MAN1A2: variants seen among roughly 807,000 people sequenced by gnomAD.
MAN1A2 encodes the protein mannosyl-oligosaccharide 1,2-alpha-mannosidase IB.
A neutral mutation model predicts 75.7 loss-of-function variants in MAN1A2; 26 were observed. The observed-to-expected ratio is 0.34, with a 90% CI of 0.25 to 0.48. MAN1A2 has a LOEUF of 0.48. Ranked by LOEUF, MAN1A2 falls within the 20% of genes least tolerant of loss-of-function variation. MAN1A2 has a pLI of 0.99. For synonymous variants in MAN1A2, 247 were observed against 264.6 expected (o/e 0.93, Z 0.65); for missense variants, 562 against 775.5 (o/e 0.72, Z 3.27).
chr1:117,465,015 G>C (rs1010889485), intron 7 of MAN1A2, among the ~76,000 whole-genome samples: 5 of 152,136 alleles, frequency 3.3e-5, no homozygotes, highest in African/African-American at 1.2e-4. Flanking sequence ...ATCACCATGA[G>C]AGAAAACATA....
At chr1:117,462,302 TAATAA>T (rs764158590) in intron 7 of MAN1A2, among the ~76,000 whole-genome samples, 13 of 152,160 alleles carry the variant, frequency 8.5e-5, no homozygotes, top group Non-Finnish European at 1.3e-4. Flanking sequence ...GCAATTTATA[TAATAA>T]AATACAAAAT....
intron 8 of MAN1A2, among the ~76,000 whole-genome samples, chr1:117,468,877 T>C (rs1490515110): frequency 6.6e-6 from 1 of 152,200 alleles, no homozygotes; most frequent in Non-Finnish European, 1.5e-5. Context: ...TTTGTGTTTT[T>C]ATTTTCTCCT....
At chr1:117,467,472 A>G (rs557835463) in intron 8 of MAN1A2, among the ~76,000 whole-genome samples, 2 of 152,234 alleles carry the variant, frequency 1.3e-5, no homozygotes, top group East Asian at 3.9e-4. Context: ...AGATAGGTCA[A>G]TATAATTATG....
rs1652054426 is a variant in MAN1A2, at chr1:117,527,174, C to CTGT, written c.*4219_*4221dup. 6.6e-6 allele frequency: 1 copy of CTGT among 151,702 alleles called. No individual in the cohort carries two copies. The highest frequency in any genetic ancestry group is 1.5e-5 in the Non-Finnish European group (1 of 67,820). 9.4% of individuals were successfully genotyped at this position (151,702 alleles called of 1,614,324 possible). On this transcript the variant is annotated 3_prime_UTR_variant, in exon 13 of 13. Transcript: ENST00000356554. Reference sequence around the variant, plus strand: ...TGGACATGCTCTTTTTGATCTATAACTGTTCAGCCAGCTTCCAGATAATAT... The same window carrying CTGT: ...TGGACATGCTCTTTTTGATCTATAACTGTTGTTCAGCCAGCTTCCAGATAATAT...
intron 5 of MAN1A2, among the ~76,000 whole-genome samples, chr1:117,427,054 C>G (rs536204908): frequency 6.6e-6 from 1 of 152,192 alleles, no homozygotes; most frequent in East Asian, 1.9e-4. Flanking sequence ...GTGCACTTCT[C>G]AGAAGATATA....
intron 11 of MAN1A2, among the ~76,000 whole-genome samples, chr1:117,501,973 T>C (rs1651215241): frequency 6.6e-6 from 1 of 151,876 alleles, no homozygotes; most frequent in African/African-American, 2.4e-5. Flanking sequence ...TGTACCTGCA[T>C]AAGCAGACTG....
chr1:117,485,485 A>G (rs1650643029), intron 8 of MAN1A2, among the ~76,000 whole-genome samples: 1 of 151,984 alleles, frequency 6.6e-6, no homozygotes, highest in Non-Finnish European at 1.5e-5. Context: ...AAGATATTTC[A>G]ACAAATTTGC....
At chr1:117,445,946 A>G (rs543222777) in intron 6 of MAN1A2, among the ~76,000 whole-genome samples, 1 of 147,110 alleles carries the variant, frequency 6.8e-6, no homozygotes, top group African/African-American at 2.5e-5. Context: ...AAATTTATAT[A>G]TAAATTTATA....
intron 4 of MAN1A2, among the ~76,000 whole-genome samples, chr1:117,417,531 T>TCACATATATA (rs1648033087): frequency 6.8e-5 from 2 of 29,256 alleles, no homozygotes; most frequent in Admixed American, 3.2e-4. Context: ...ATCCTTGAGT[T>TCACATATATA]TAAATATATA....
chr1:117,477,353 A>G (rs1650347382), intron 8 of MAN1A2, among the ~76,000 whole-genome samples: 1 of 152,070 alleles, frequency 6.6e-6, no homozygotes, highest in Non-Finnish European at 1.5e-5. Context: ...ATTCCAGGCC[A>G]ATATCCCTGA....
chr1:117,434,272 A>G (rs1648776128), intron 5 of MAN1A2, among the ~76,000 whole-genome samples: 1 of 152,202 alleles, frequency 6.6e-6, no homozygotes, highest in Non-Finnish European at 1.5e-5. Context: ...TTTGCCTGGT[A>G]GAGACTTTCA....
chr1:117,420,693 G>C, intron 5 of MAN1A2, 44 bp downstream of exon 5: 10 of 1,348,346 alleles, frequency 7.4e-6, no homozygotes, highest in Non-Finnish European at 1.1e-5. Flanking sequence ...GGAGGGGAGG[G>C]TTGGAATTTA....
chr1:117,496,794 G>T lies in MAN1A2; in HGVS notation c.1316G>T (p.Arg439Leu), dbSNP rs372112785. ...AIEKHLIKKS[R>L]GGLTFIGEWK... is the part of the protein sequence containing the mutation. Reference sequence around the variant, plus strand: ...GAAAAACATCTTATTAAGAAGTCTCGTGGAGGTCTTACCTTTATTGGAGAA... The same window carrying T: ...GAAAAACATCTTATTAAGAAGTCTCTTGGAGGTCTTACCTTTATTGGAGAA... Residue 439 changes from arginine to leucine, a missense_variant, in exon 10 of 13, where the codon CGT becomes CTT. This residue lies in a region of MAN1A2 where 434 missense variants were observed against 645.7 expected (regional missense o/e 0.67). Transcript: ENST00000356554. 1.9e-6 allele frequency: 3 copies of T among 1,611,966 alleles called. No individual in the cohort carries two copies. The highest frequency in any genetic ancestry group is 2.5e-6 in the Non-Finnish European group (3 of 1,178,882).
chr1:117,518,535 A>C (rs989451019), intron 12 of MAN1A2, among the ~76,000 whole-genome samples: 1 of 152,008 alleles, frequency 6.6e-6, no homozygotes, highest in Non-Finnish European at 1.5e-5. Context: ...AAAAGTTTTT[A>C]AAAAGAATGA....
intron 12 of MAN1A2, among the ~76,000 whole-genome samples, chr1:117,520,493 C>T (rs1200378371): frequency 6.6e-6 from 1 of 152,024 alleles, no homozygotes; most frequent in Non-Finnish European, 1.5e-5. Flanking sequence ...AATTAATGTA[C>T]ACAAATCAAT....
rs1420514144 is a variant in MAN1A2 at position 117,523,287 on chromosome 1, G to T, written c.*330G>T. ...TGGAGGCTAGACTTCCTGAAAGCAAGTCAAGAATATAGAGCACCTTGCAGG... is the reference window on the plus strand; with the variant it reads ...TGGAGGCTAGACTTCCTGAAAGCAATTCAAGAATATAGAGCACCTTGCAGG... On this transcript the variant is annotated 3_prime_UTR_variant, in exon 13 of 13. Coordinates refer to ENST00000356554, the MANE Select transcript of MAN1A2 (RefSeq NM_006699.5). 6.0e-6 allele frequency: 3 copies of T among 499,848 alleles called. No individual in the cohort carries two copies. Among genetic ancestry groups the T allele is most frequent in the African/African-American group, 5.9e-5 (3 of 51,128 alleles). The allele number at this position is 499,848 out of a possible 1,614,324, so 31.0% of individuals were successfully genotyped here. A position where few individuals can be genotyped will look rare whatever the true frequency, so the allele number is the denominator to read the frequency against.
At position 117,525,122 on chromosome 1, in the gene MAN1A2, A is replaced by G; in HGVS notation, c.*2165A>G. 1.9e-6 allele frequency: 1 copy of G among 529,344 alleles called. No individual in the cohort carries two copies. The allele number at this position is 529,344 out of a possible 1,614,324, so 32.8% of individuals were successfully genotyped here. ...CAAGGGATGAGGAGACAGAACCCCT[A>G]CTTCCAAGTGCTCTATTTGTATTAC... is the stretch of plus-strand genomic sequence containing the variant. On this transcript the variant is annotated 3_prime_UTR_variant, in exon 13 of 13. Transcript: ENST00000356554.
chr1:117,501,372 T>C (rs1045518373), intron 11 of MAN1A2, among the ~76,000 whole-genome samples: 1 of 151,774 alleles, frequency 6.6e-6, no homozygotes, highest in Non-Finnish European at 1.5e-5. Flanking sequence ...TTAAATAGTA[T>C]TTGCTCATGC....
Position 117,470,411 on chromosome 1 carries a change from A to G in MAN1A2, c.1168+3984A>G, listed in dbSNP as rs577858055. ...TAGGTAGTGGTGATGGTTTTACAGC[A>G]CTGTGAATATAATTAATGCTGCTGA... On this transcript the variant is annotated intron_variant, in intron 8 of 12. Coordinates refer to ENST00000356554, the MANE Select transcript of MAN1A2 (RefSeq NM_006699.5). Among the ~76,000 whole-genome samples the G allele has an allele frequency of 9.5e-4, 145 of 152,240 alleles. 2 individuals carry two copies. Among genetic ancestry groups the G allele is most frequent in the Middle Eastern group, 3.4e-3 (1 of 294 alleles).
Sources: allele counts gnomAD v4.1 joint callset (sites outside exome capture counted in the v4.1 genomes callset), GRCh38; gene constraint gnomAD v4.1.1; regional missense constraint gnomAD v4.1.1; transcripts MANE v1.5; gene names NCBI Gene and HGNC (gene_info 2026-07-23, HGNC 2026-07-21).